CCDC102B: variants seen among roughly 807,000 people sequenced by gnomAD.
CCDC102B encodes the protein coiled-coil domain containing 102B.
Under a neutral mutation model 57.4 loss-of-function variants are expected in CCDC102B, and 75 were observed. The ratio of observed to expected loss-of-function variants is 1.31; its 90% confidence interval spans 1.08 to 1.58. The LOEUF (loss-of-function observed/expected upper bound fraction) is 1.58, where lower values mean the gene tolerates loss of function less well. Among genes scored for constraint, CCDC102B ranks in the 40% most tolerant of loss-of-function variants. CCDC102B has a pLI of 0.00. For missense variants in CCDC102B, 636 were observed against 582.6 expected (o/e 1.09, Z -0.94); for synonymous variants, 206 against 201.9 (o/e 1.02, Z -0.17).
At chr18:68,855,213 T>A (rs2038327276) in intron 4 of CCDC102B, among the ~76,000 whole-genome samples, 1 of 152,168 alleles carries the variant, frequency 6.6e-6, no homozygotes, top group East Asian at 1.9e-4. Context: ...AAATTCGTCT[T>A]TGAACCATAT....
chr18:68,798,184 A>G lies in CCDC102B; in HGVS notation c.-16+3A>G, dbSNP rs2035700023. 6.6e-6 allele frequency: 1 copy of G among 152,166 alleles called. No individual in the cohort carries two copies. Among genetic ancestry groups the G allele is most frequent in the African/African-American group, 2.4e-5 (1 of 41,444 alleles). 9.4% of individuals were successfully genotyped at this position (152,166 alleles called of 1,614,324 possible). A position where few individuals can be genotyped will look rare whatever the true frequency, so the allele number is the denominator to read the frequency against. ...GAGCAGCCCAGCAAGCCCAGAGGGT[A>G]AGAGTGTTTAATAACCTTGTGGTTT... On this transcript the variant is annotated splice_donor_region_variant and intron_variant, in intron 1 of 7. Coordinates refer to ENST00000360242, the MANE Select transcript of CCDC102B (RefSeq NM_024781.3).
intron 5 of CCDC102B, among the ~76,000 whole-genome samples, chr18:68,884,626 A>C (rs1347315570): frequency 2.0e-5 from 3 of 151,190 alleles, no homozygotes; most frequent in Non-Finnish European, 4.4e-5. Context: ...ACACATCTCC[A>C]TCATATATAC....
intron 2 of CCDC102B, among the ~76,000 whole-genome samples, chr18:68,781,324 A>G (rs762844803): frequency 8.8e-6 from 1 of 113,172 alleles, no homozygotes; most frequent in Non-Finnish European, 1.8e-5. Context: ...ATAAGAGAAG[A>G]ATGAGTGGGT....
intron 1 of CCDC102B, among the ~76,000 whole-genome samples, chr18:68,835,271 A>G (rs1178993586): frequency 6.6e-6 from 1 of 152,144 alleles, no homozygotes; most frequent in Non-Finnish European, 1.5e-5. Flanking sequence ...GACTCTGTGT[A>G]GTGTTATCTA....
chr18:68,756,615 T>C (rs2145257804), intron 2 of CCDC102B, among the ~76,000 whole-genome samples: 1 of 152,246 alleles, frequency 6.6e-6, no homozygotes, highest in South Asian at 2.1e-4. Flanking sequence ...AATCTTTATG[T>C]CTAAATGGCT....
intron 4 of CCDC102B, among the ~76,000 whole-genome samples, chr18:68,864,903 C>T (rs1488349493): frequency 6.6e-6 from 1 of 152,070 alleles, no homozygotes; most frequent in Non-Finnish European, 1.5e-5. Context: ...ATGCCTGGCT[C>T]TGCCCCATAC....
rs776331384 is a variant in CCDC102B, at chr18:68,838,878, T to C, written c.779T>C (p.Leu260Ser). 28 of 1,613,876 alleles carry C rather than the reference T, an allele frequency of 1.7e-5. No homozygotes were observed. The highest frequency in any genetic ancestry group is 2.3e-5 in the Non-Finnish European group (27 of 1,179,972). ...LENEVTEISA[L>S]QVHLDEFQKI... ...AATGAAGTAACTGAAATTTCAGCTT[T>C]GCAGGTGCATTTGGATGAATTCCAA... Residue 260 changes from leucine to serine, a missense_variant, in exon 3 of 8, where the codon TTG becomes TCG. Physicochemically the swap from Leu to Ser is moderately radical, Grantham distance 145 (BLOSUM62 -2). Transcript: ENST00000360242.
chr18:68,949,805 T>A (rs1467947774), intron 6 of CCDC102B, among the ~76,000 whole-genome samples: 1 of 152,176 alleles, frequency 6.6e-6, no homozygotes, highest in African/African-American at 2.4e-5. Context: ...CTGCTAGTAT[T>A]ATGTTCCTTT....
chr18:68,765,908 A>T (rs951846509), intron 2 of CCDC102B, among the ~76,000 whole-genome samples: 1 of 151,884 alleles, frequency 6.6e-6, no homozygotes, highest in Non-Finnish European at 1.5e-5. Context: ...TGCTAGTGAG[A>T]TTTTCAAATG....
chr18:68,896,409 T>C lies in CCDC102B; in HGVS notation c.1054-810T>C, dbSNP rs1159198540. On this transcript the variant is annotated intron_variant, in intron 5 of 7. Transcript: ENST00000360242. ...TAATAAAAATCTCCTCATGTTGATA[T>C]ACCATGCAGCCTTGGTTGAGAACCA... Among the ~76,000 whole-genome samples, 4 of 152,086 alleles carry C rather than the reference T, an allele frequency of 2.6e-5. No homozygotes were observed. In the East Asian group the frequency reaches 7.7e-4, roughly 29 times the overall value.
chr18:68,887,871 G>A (rs947945673), intron 5 of CCDC102B, among the ~76,000 whole-genome samples: 1 of 152,176 alleles, frequency 6.6e-6, no homozygotes, highest in African/African-American at 2.4e-5. Flanking sequence ...TCTGGAAGCA[G>A]GACACTGGGA....
At chr18:68,994,305 A>G (rs1395698939) in intron 6 of CCDC102B, among the ~76,000 whole-genome samples, 1 of 152,102 alleles carries the variant, frequency 6.6e-6, no homozygotes, top group Non-Finnish European at 1.5e-5. Flanking sequence ...TTCATTGTAT[A>G]TTTGTAAATA....
At chr18:68,879,914 A>G (rs959899405) in intron 5 of CCDC102B, among the ~76,000 whole-genome samples, 1 of 152,200 alleles carries the variant, frequency 6.6e-6, no homozygotes, top group Non-Finnish European at 1.5e-5. Context: ...CACCAGACTC[A>G]GGAGCCCAGC....
intron 1 of CCDC102B, among the ~76,000 whole-genome samples, chr18:68,807,651 AG>A (rs1275294331): frequency 6.6e-6 from 1 of 152,188 alleles, no homozygotes; most frequent in Non-Finnish European, 1.5e-5. Flanking sequence ...ACAAACACTG[AG>A]TATTCACTTC....
rs74528683 is a variant in CCDC102B, at chr18:68,888,016, A to G, written c.1054-9203A>G. ...ATGCTTTAGTTTATGGCACATGATCACACATTAAGACAGGTATCATGATGA... is the reference window on the plus strand; with the variant it reads ...ATGCTTTAGTTTATGGCACATGATCGCACATTAAGACAGGTATCATGATGA... On this transcript the variant is annotated intron_variant, in intron 5 of 7. Transcript: ENST00000360242. Among the ~76,000 whole-genome samples the G allele has an allele frequency of 9.4e-3, 1,426 of 152,318 alleles. 24 individuals are homozygous for G. The highest frequency in any genetic ancestry group is 0.033 in the African/African-American group (1,356 of 41,568).
intron 6 of CCDC102B, among the ~76,000 whole-genome samples, chr18:68,923,166 A>G (rs2041345503): frequency 1.5e-5 from 2 of 136,508 alleles, no homozygotes; most frequent in South Asian, 4.4e-4. Context: ...ACATACACAT[A>G]CAGTTTTTTT....
chr18:68,801,974 C>T (rs182913924), intron 1 of CCDC102B, among the ~76,000 whole-genome samples: 1 of 152,014 alleles, frequency 6.6e-6, no homozygotes, highest in South Asian at 2.1e-4. Flanking sequence ...TTTGAACAAG[C>T]GTTTCTTCTC....
intron 2 of CCDC102B, chr18:68,717,895 C>T (rs1032062096): frequency 1.3e-5 from 2 of 152,036 alleles, no homozygotes; most frequent in Admixed American, 6.5e-5. Flanking sequence ...GAGGTGGGGC[C>T]ATTTGGGCAT....
intron 2 of CCDC102B, among the ~76,000 whole-genome samples, chr18:68,751,418 T>C (rs997474614): frequency 1.3e-5 from 2 of 152,092 alleles, no homozygotes; most frequent in Non-Finnish European, 2.9e-5. Flanking sequence ...CAAGAAACAC[T>C]AGACAGCACT....
Sources: gnomAD v4.1 joint callset for allele counts (sites outside exome capture counted in the v4.1 genomes callset) on GRCh38, gnomAD v4.1.1 for gene constraint, MANE v1.5 for transcripts, NCBI Gene and HGNC (gene_info 2026-07-23, HGNC 2026-07-21) for gene names.